Variants in MFSD2A observed in about 807,000 individuals in gnomAD.
MFSD2A encodes the protein MFSD2 lysolipid transporter A, lysophospholipid, also known as sodium-dependent lysophosphatidylcholine symporter 1.
A neutral mutation model predicts 64.7 loss-of-function variants in MFSD2A; 27 were observed. The ratio of observed to expected loss-of-function variants is 0.42; its 90% CI spans 0.31 to 0.58. MFSD2A has a LOEUF of 0.58. Ranked by LOEUF, MFSD2A falls within the 20% of genes least tolerant of loss-of-function variation. The pLI is 0.18. For synonymous variants in MFSD2A, 258 were observed against 273.4 expected, an observed-to-expected ratio of 0.94 and a Z score of 0.55; for missense variants, 474 against 679.5, an observed-to-expected ratio of 0.70 and a Z score of 3.36.
chr1:39,958,573 A>G lies in MFSD2A; in HGVS notation c.229-128A>G, dbSNP rs1167309563. 1.4e-6 allele frequency: 2 copies of G among 1,427,744 alleles called. No individual in the cohort carries two copies. Among genetic ancestry groups the G allele is most frequent in the Admixed American group, 1.7e-5 (1 of 58,434 alleles). 88.4% of individuals were successfully genotyped at this position (1,427,744 alleles called of 1,614,324 possible). A position where few individuals can be genotyped will look rare whatever the true frequency, so the allele number is the denominator to read the frequency against. ...AGGCAAGTGAAGATGTGTAAGGTCC[A>G]TGTGGGAGCAGCTCAGGGTCACAAG... On this transcript the variant is annotated intron_variant, in intron 2 of 13. Transcript: ENST00000372811. This position sits in a 1 kb window ranked among gnomAD's most constrained non-coding sequence, Gnocchi z 4.7.
intron 1 of MFSD2A, among the ~76,000 whole-genome samples, chr1:39,956,152 G>A (rs1315400099): frequency 6.6e-6 from 1 of 152,192 alleles, no homozygotes; most frequent in Non-Finnish European, 1.5e-5. Context: ...TGCCCCACCC[G>A]GAGAGGGATC....
Position 39,965,698 on chromosome 1 carries a change from C to A in MFSD2A, c.556+149C>A. ...CAATCCCCTTATTGCTCAGATGAGA[C>A]CTGGAGAGGTGCATATGCGTTCAAA... On this transcript the variant is annotated intron_variant, in intron 5 of 13. Transcript: ENST00000372811. The surrounding 1 kb of genome is among the most constrained non-coding windows in gnomAD (Gnocchi z 5.5). 2 of 1,211,908 alleles carry A rather than the reference C, an allele frequency of 1.7e-6. No homozygotes were observed. Among genetic ancestry groups the A allele is most frequent in the Non-Finnish European group, 2.4e-6 (2 of 842,364 alleles). The allele number at this position is 1,211,908 out of a possible 1,614,324, so 75.1% of individuals were successfully genotyped here.
intron 1 of MFSD2A, among the ~76,000 whole-genome samples, 155 bp from the exon 2 acceptor site, chr1:39,956,915 CAAAAAAAAAAAAAAAAA>C (rs34385828): frequency 5.7e-5 from 2 of 35,348 alleles, no homozygotes; most frequent in African/African-American, 9.6e-5. Flanking sequence ...GACTCTGTCT[CAAAAAAAAAAAAAAAAA>C]AAAAAAAAAA....
At chr1:39,961,623 A>G (rs971302858) in intron 3 of MFSD2A, among the ~76,000 whole-genome samples, 1 of 152,170 alleles carries the variant, frequency 6.6e-6, no homozygotes, top group African/African-American at 2.4e-5. Flanking sequence ...CTGGGATTAC[A>G]GGCGTGAGCC....
Position 39,963,443 on chromosome 1 carries a change from T to TA in MFSD2A, c.354-1758dup, listed in dbSNP as rs531533752. On this transcript the variant is annotated intron_variant, in intron 3 of 13. Transcript: ENST00000372811. This position sits in a 1 kb window ranked among gnomAD's most constrained non-coding sequence, Gnocchi z 4.2. ...GAGAAGTAAAGTGAATTAAGCCTGT[T>TA]AAAAAAAAAATGTTTACGAGACAGA... 3.5e-3 allele frequency: 1,714 copies of TA among 494,984 alleles called. No homozygotes were observed. The highest frequency in any genetic ancestry group is 5.4e-3 in the South Asian group (179 of 33,182). The allele number at this position is 494,984 out of a possible 1,614,324, so 30.7% of individuals were successfully genotyped here. A position where few individuals can be genotyped will look rare whatever the true frequency, so the allele number is the denominator to read the frequency against.
chr1:39,961,310 T>C (rs1645035105), intron 3 of MFSD2A, among the ~76,000 whole-genome samples: 1 of 90,086 alleles, frequency 1.1e-5, no homozygotes. Context: ...CCAGGAAGAC[T>C]TTTCTTCCCG....
Position 39,968,456 on chromosome 1 carries a change from G to T in MFSD2A, c.1331G>T (p.Gly444Val). ...FTKFASGVSL[G>V]ISTLSLDFAG... ...AAGTTTGCCTCTGGAGTGTCACTGG[G>T]CATTTCTACCCTCAGTCTGGAGTGA... The change falls in exon 12 of 14, where the codon GGC becomes GTC. Residue 444 changes from glycine (G) to valine (V), a missense_variant. Transcript: ENST00000372811. This position sits in a 1 kb window ranked among gnomAD's most constrained non-coding sequence, Gnocchi z 4.4. 6.2e-7 allele frequency: 1 copy of T among 1,614,166 alleles called. No homozygotes were observed. Among genetic ancestry groups the T allele is most frequent in the Non-Finnish European group, 8.5e-7 (1 of 1,180,020 alleles).
chr1:39,968,366 A>T lies in MFSD2A; in HGVS notation c.1241A>T (p.His414Leu). 6.2e-7 allele frequency: 1 copy of T among 1,614,168 alleles called. No individual in the cohort carries two copies. The change falls in exon 12 of 14, where the codon CAT becomes CTT. Residue 414 changes from histidine (H) to leucine (L), a missense_variant. By Grantham distance (99) the His-to-Leu change is moderately conservative. Coordinates refer to ENST00000372811, the MANE Select transcript of MFSD2A (RefSeq NM_032793.5). The surrounding 1 kb of genome is among the most constrained non-coding windows in gnomAD (Gnocchi z 4.4). Reference protein sequence around the residue: ...SMLPDVIDDFHLKQPHFHGTE... With the variant: ...SMLPDVIDDFLLKQPHFHGTE... ...CTGCCTGATGTCATTGACGACTTCC[A>T]TCTGAAGCAGCCCCACTTCCATGGA...
Position 39,955,987 on chromosome 1 carries a change from A to T in MFSD2A, c.93+602A>T, listed in dbSNP as rs549790351. ...ACCAAATAAAATGAGGCGGCCCCCT[A>T]GGAAAGGATCTCAGGCAATAGATAC... On this transcript the variant is annotated intron_variant, in intron 1 of 13. Coordinates refer to ENST00000372811, the MANE Select transcript of MFSD2A (RefSeq NM_032793.5). This position sits in a 1 kb window ranked among gnomAD's most constrained non-coding sequence, Gnocchi z 5.9. Among the ~76,000 whole-genome samples, 1 of 152,302 alleles carries T rather than the reference A, an allele frequency of 6.6e-6. No individual in the cohort carries two copies. Among genetic ancestry groups the T allele is most frequent in the Non-Finnish European group, 1.5e-5 (1 of 68,018 alleles).
At position 39,964,146 on chromosome 1, in the gene MFSD2A, A is replaced by G. The variant is rs1645104542; in HGVS notation, c.354-1065A>G. 1.3e-5 allele frequency: 2 copies of G among 152,414 alleles called. No homozygotes were observed. The highest frequency in any genetic ancestry group is 2.9e-5 in the Non-Finnish European group (2 of 68,036). The allele number at this position is 152,414 out of a possible 1,614,324, so 9.4% of individuals were successfully genotyped here. ...GTGTCTTGCTGATTTTCCTTGGCTT[A>G]ATGTCTACAAGGTTCATCTATGTTG... On this transcript the variant is annotated intron_variant, in intron 3 of 13. Coordinates refer to ENST00000372811, the MANE Select transcript of MFSD2A (RefSeq NM_032793.5). This position sits in a 1 kb window ranked among gnomAD's most constrained non-coding sequence, Gnocchi z 4.1.
chr1:39,969,823 G>A lies in MFSD2A; in HGVS notation c.*255G>A, dbSNP rs1279981332. ...GCCAAGGACTGATCGGGCCTAGCCC[G>A]GAACACTAATGTAGAAACCTTTTTT... is the stretch of plus-strand genomic sequence containing the variant. On this transcript the variant is annotated 3_prime_UTR_variant, in exon 14 of 14. Coordinates refer to ENST00000372811, the MANE Select transcript of MFSD2A (RefSeq NM_032793.5). 4.4e-5 allele frequency: 22 copies of A among 503,420 alleles called. No individual in the cohort carries two copies. The highest frequency in any genetic ancestry group is 8.7e-5 in the South Asian group (3 of 34,674). 31.2% of individuals were successfully genotyped at this position (503,420 alleles called of 1,614,324 possible). A position where few individuals can be genotyped will look rare whatever the true frequency, so the allele number is the denominator to read the frequency against.
rs1357348244 is a variant in MFSD2A at position 39,963,882 on chromosome 1, G to A, written c.354-1329G>A. Among the ~76,000 whole-genome samples, 1 of 152,146 alleles carries A rather than the reference G, an allele frequency of 6.6e-6. No individual in the cohort carries two copies. The highest frequency in any genetic ancestry group is 1.9e-4 in the East Asian group (1 of 5,196). Reference sequence around the variant, plus strand: ...CCCGAGGAGCTGGGACTACAGGTGTGCGCCACCATGCCTGGTTAATTTTTG... The same window carrying A: ...CCCGAGGAGCTGGGACTACAGGTGTACGCCACCATGCCTGGTTAATTTTTG... On this transcript the variant is annotated intron_variant, in intron 3 of 13. Coordinates refer to ENST00000372811, the MANE Select transcript of MFSD2A (RefSeq NM_032793.5). This position sits in a 1 kb window ranked among gnomAD's most constrained non-coding sequence, Gnocchi z 4.2.
Position 39,955,168 on chromosome 1 carries a change from C to A in MFSD2A, c.-125C>A. 1 of 704,270 alleles carries A rather than the reference C, an allele frequency of 1.4e-6. No homozygotes were observed. Among genetic ancestry groups the A allele is most frequent in the East Asian group, 3.4e-5 (1 of 29,384 alleles). 43.6% of individuals were successfully genotyped at this position (704,270 alleles called of 1,614,324 possible). A position where few individuals can be genotyped will look rare whatever the true frequency, so the allele number is the denominator to read the frequency against. ...GCAGAGTGCGTTCCTCGTCTGCCAG[C>A]CGGCTTGGCTAGCGCGCGGCGGCCG... On this transcript the variant is annotated 5_prime_UTR_variant, in exon 1 of 14. Coordinates refer to ENST00000372811, the MANE Select transcript of MFSD2A (RefSeq NM_032793.5). The surrounding 1 kb of genome is among the most constrained non-coding windows in gnomAD (Gnocchi z 5.9).
At chr1:39,962,568 G>C (rs1645066957) in intron 3 of MFSD2A, 1 of 627,018 alleles carries the variant, frequency 1.6e-6, no homozygotes, top group Non-Finnish European at 2.8e-6. Flanking sequence ...CACTGGTGCA[G>C]CGGGGGGGCC....
chr1:39,958,795 C>G lies in MFSD2A; in HGVS notation c.323C>G (p.Pro108Arg). 1 of 1,612,932 alleles carries G rather than the reference C, an allele frequency of 6.2e-7. No individual in the cohort carries two copies. The highest frequency in any genetic ancestry group is 2.2e-5 in the East Asian group (1 of 44,866). ...GTGGGCCTCTGCATCAGCAAATCCCCCTGGACCTGCCTGGGTCGCCTTATG... is the reference window on the plus strand; with the variant it reads ...GTGGGCCTCTGCATCAGCAAATCCCGCTGGACCTGCCTGGGTCGCCTTATG... ...PLVGLCISKS[P>R]WTCLGRLMPW... The change falls in exon 3 of 14, where the codon CCC becomes CGC. Residue 108 changes from proline to arginine, a missense_variant. By Grantham distance (103) the Pro-to-Arg change is moderately radical (BLOSUM62 -2). Coordinates refer to ENST00000372811, the MANE Select transcript of MFSD2A (RefSeq NM_032793.5). This position sits in a 1 kb window ranked among gnomAD's most constrained non-coding sequence, Gnocchi z 4.7.
In MFSD2A at chr1:39,966,937, GT is replaced by G; in HGVS notation, c.927+6del. The stretch of plus-strand genomic sequence containing the variant: ...TTCACCTCCTTGGCTTTCATGGTGA[GT>G]GGGTTCTGACATGCTCAGCCTGAGA... On this transcript the variant is annotated splice_donor_region_variant and intron_variant, in intron 8 of 13. Transcript: ENST00000372811. 1 of 1,613,190 alleles carries G rather than the reference GT, an allele frequency of 6.2e-7. No individual in the cohort carries two copies. The highest frequency in any genetic ancestry group is 8.5e-7 in the Non-Finnish European group (1 of 1,180,030).
chr1:39,966,559 T>C (rs1226544512), intron 6 of MFSD2A, 42 bp from the exon 7 acceptor site: 10 of 1,555,552 alleles, frequency 6.4e-6, no homozygotes, highest in Non-Finnish European at 8.8e-6. Context: ...TGGGATGAGC[T>C]CAAACTGACC....
chr1:39,966,499 G>C (rs1185211113), intron 6 of MFSD2A, 102 bp from the exon 7 acceptor site: 1 of 908,362 alleles, frequency 1.1e-6, no homozygotes, highest in South Asian at 1.5e-5. Context: ...CTCCCAGAGG[G>C]GAGGGGACTG....
Position 39,965,217 on chromosome 1 carries a change from C to A in MFSD2A, c.360C>A (p.Ile120=), listed in dbSNP as rs752547914. Residue 120 remains isoleucine, a synonymous_variant, in exon 4 of 14, where the codon ATC becomes ATA. Transcript: ENST00000372811. This position sits in a 1 kb window ranked among gnomAD's most constrained non-coding sequence, Gnocchi z 5.5. ...TCLGRLMPWI[I]FSTPLAVIAY... is the part of the protein sequence containing the mutation. ...ACACCCTCCTCTTCCTCAGGATCAT[C>A]TTCTCCACGCCCCTGGCCGTCATTG... 6.2e-7 allele frequency: 1 copy of A among 1,614,156 alleles called. No homozygotes were observed. Among genetic ancestry groups the A allele is most frequent in the South Asian group, 1.1e-5 (1 of 91,082 alleles).
Sources: gnomAD v4.1 joint callset for allele counts (sites outside exome capture counted in the v4.1 genomes callset) on GRCh38, gnomAD v4.1.1 for gene constraint, Gnocchi (gnomAD v3.1) non-coding constraint, MANE v1.5 for transcripts, NCBI Gene and HGNC (gene_info 2026-07-23, HGNC 2026-07-21) for gene names.